The following SPOCK3 variants were observed in gnomAD, a reference collection of about 807,000 sequenced individuals.
The protein encoded by SPOCK3 is testican-3.
A neutral mutation model predicts 56.6 loss-of-function variants in SPOCK3; 30 were observed. The ratio of observed to expected loss-of-function variants is 0.53; its 90% CI spans 0.40 to 0.72. The LOEUF is 0.72. Ranked by LOEUF, SPOCK3 falls within the 30% of genes least tolerant of loss-of-function variation. The pLI is 0.00. For missense variants in SPOCK3, 527 were observed against 530.0 expected (o/e 0.99, Z 0.06); for synonymous variants, 196 against 183.3 (o/e 1.07, Z -0.56).
chr4:167,129,071 G>C (rs905876777), intron 2 of SPOCK3, among the ~76,000 whole-genome samples: 1 of 152,118 alleles, frequency 6.6e-6, no homozygotes, highest in South Asian at 2.1e-4. Flanking sequence ...AACACACCAG[G>C]AGAGGTACAA....
At chr4:167,112,142 T>TA (rs973440350) in intron 2 of SPOCK3, among the ~76,000 whole-genome samples, 12 of 152,284 alleles carry the variant, frequency 7.9e-5, no homozygotes, top group Admixed American at 6.5e-4. Flanking sequence ...ATATATGCTT[T>TA]ATCACTCTTA....
At chr4:166,980,031 G>A (rs548281470) in intron 4 of SPOCK3, among the ~76,000 whole-genome samples, 51 of 152,212 alleles carry the variant, frequency 3.4e-4, no homozygotes, top group South Asian at 1.0e-3. Flanking sequence ...TCTGTGTTTT[G>A]CCTGATGACT....
At position 166,986,197 on chromosome 4, in the gene SPOCK3, T is replaced by C. The variant is rs184762446; in HGVS notation, c.350+14152A>G. Among the ~76,000 whole-genome samples, 14 of 152,342 alleles carry C rather than the reference T, an allele frequency of 9.2e-5. No homozygotes were observed. In the East Asian group the frequency reaches 2.5e-3, roughly 27 times the overall value. ...CTTCTTTTTATGTATGTAATTATTATGTCAATCATAAGTTAAAATCATAAT... is the reference window on the plus strand; with the variant it reads ...CTTCTTTTTATGTATGTAATTATTACGTCAATCATAAGTTAAAATCATAAT... On this transcript the variant is annotated intron_variant, in intron 4 of 10. Transcript: ENST00000357545.
At chr4:166,972,178 C>T (rs747781389) in intron 4 of SPOCK3, among the ~76,000 whole-genome samples, 1 of 152,146 alleles carries the variant, frequency 6.6e-6, no homozygotes, top group Non-Finnish European at 1.5e-5. Flanking sequence ...TTCTTCAAAA[C>T]TAGCAGATTG....
intron 4 of SPOCK3, among the ~76,000 whole-genome samples, chr4:166,963,220 A>G (rs1158266780): frequency 6.6e-6 from 1 of 152,022 alleles, no homozygotes; most frequent in Non-Finnish European, 1.5e-5. Flanking sequence ...GACTACCATT[A>G]CTAAAATTAG....
chr4:167,157,007 A>G (rs1463755066), intron 2 of SPOCK3, among the ~76,000 whole-genome samples: 1 of 152,154 alleles, frequency 6.6e-6, no homozygotes, highest in Non-Finnish European at 1.5e-5. Flanking sequence ...GATCTCTTGC[A>G]TTAAGTTTTA....
At chr4:166,856,937 CA>C (rs1380641591) in intron 6 of SPOCK3, among the ~76,000 whole-genome samples, 1 of 151,982 alleles carries the variant, frequency 6.6e-6, no homozygotes, top group Non-Finnish European at 1.5e-5. Flanking sequence ...TACACTAAAG[CA>C]GTATTTTTCT....
chr4:166,856,067 A>G (rs1031381774), intron 6 of SPOCK3, among the ~76,000 whole-genome samples: 1 of 152,212 alleles, frequency 6.6e-6, no homozygotes, highest in Non-Finnish European at 1.5e-5. Context: ...ACAGAAAGAA[A>G]GACAAATATG....
At chr4:167,136,360 T>C (rs1763122143) in intron 2 of SPOCK3, among the ~76,000 whole-genome samples, 1 of 152,118 alleles carries the variant, frequency 6.6e-6, no homozygotes, top group Non-Finnish European at 1.5e-5. Context: ...CTTTGAAATT[T>C]TTTCTTAATA....
intron 2 of SPOCK3, among the ~76,000 whole-genome samples, chr4:167,169,808 G>T (rs1011482459): frequency 5.3e-5 from 8 of 152,076 alleles, no homozygotes; most frequent in Admixed American, 2.0e-4. Context: ...TGTCAAGGTG[G>T]AGCCAGGTGG....
intron 2 of SPOCK3, among the ~76,000 whole-genome samples, chr4:167,081,004 C>T (rs2150289470): frequency 6.6e-6 from 1 of 151,736 alleles, no homozygotes; most frequent in East Asian, 2.0e-4. Context: ...CCTCAGCCTC[C>T]CGAGTAGCTG....
chr4:167,030,306 TTTTA>T (rs1420290528), intron 3 of SPOCK3, among the ~76,000 whole-genome samples: 1 of 152,082 alleles, frequency 6.6e-6, no homozygotes, highest in Non-Finnish European at 1.5e-5. Context: ...TTATACCTGT[TTTTA>T]TTGTCTTTTT....
At chr4:167,047,959 T>G (rs1234769843) in intron 3 of SPOCK3, among the ~76,000 whole-genome samples, 1 of 152,098 alleles carries the variant, frequency 6.6e-6, no homozygotes, top group African/African-American at 2.4e-5. Context: ...GCCAGGAGAA[T>G]TAATTGCTTG....
At chr4:167,041,562 A>C (rs1753236804) in intron 3 of SPOCK3, among the ~76,000 whole-genome samples, 1 of 152,096 alleles carries the variant, frequency 6.6e-6, no homozygotes, top group African/African-American at 2.4e-5. Context: ...TCCCCCTACA[A>C]ATTTTGAAAG....
chr4:166,746,254 C>T (rs542560211), intron 8 of SPOCK3, among the ~76,000 whole-genome samples: 1 of 152,236 alleles, frequency 6.6e-6, no homozygotes, highest in Non-Finnish European at 1.5e-5. Flanking sequence ...ACTCCTCAGC[C>T]AGCAAATGTA....
intron 4 of SPOCK3, among the ~76,000 whole-genome samples, chr4:166,940,110 G>GGT (rs1441677763): frequency 6.6e-6 from 1 of 152,178 alleles, no homozygotes; most frequent in Non-Finnish European, 1.5e-5. Flanking sequence ...AGTCACGCAT[G>GGT]GTGAGCAGTC....
At chr4:167,000,773 G>T (rs1329023639) in intron 3 of SPOCK3, among the ~76,000 whole-genome samples, 1 of 151,978 alleles carries the variant, frequency 6.6e-6, no homozygotes, top group Non-Finnish European at 1.5e-5. Context: ...AAGCAGCAAA[G>T]GTGGTGAAAT....
intron 3 of SPOCK3, among the ~76,000 whole-genome samples, chr4:167,055,456 C>G: frequency 6.6e-6 from 1 of 152,114 alleles, no homozygotes; most frequent in Non-Finnish European, 1.5e-5. Context: ...GGGCGCAGGA[C>G]AGTGGGTGCA....
intron 6 of SPOCK3, among the ~76,000 whole-genome samples, chr4:166,823,545 C>A (rs1388732605): frequency 6.6e-6 from 1 of 152,038 alleles, no homozygotes; most frequent in Non-Finnish European, 1.5e-5. Context: ...ACCAAAACAA[C>A]AACAACAATA....
Sources: gnomAD v4.1 joint callset for allele counts (sites outside exome capture counted in the v4.1 genomes callset) on GRCh38, gnomAD v4.1.1 for gene constraint, MANE v1.5 for transcripts, NCBI Gene and HGNC (gene_info 2026-07-23, HGNC 2026-07-21) for gene names.